The following ATXN10 variants were observed in gnomAD, a reference collection of about 807,000 sequenced individuals.
ATXN10 encodes the protein ataxin 10.
ATXN10 carries 28 observed loss-of-function variants against 52.9 expected under a neutral mutation model. That is an observed-to-expected ratio of 0.53 (90% CI 0.39 to 0.73). The LOEUF (loss-of-function observed/expected upper bound fraction) is 0.73. ATXN10 is among the 30% of genes least tolerant of loss of function. ATXN10 has a pLI of 0.00. For synonymous variants in ATXN10, 226 were observed against 221.5 expected (o/e 1.02, Z -0.18); for missense variants, 565 against 577.0 (o/e 0.98, Z 0.21).
At chr22:45,697,281 C>T (rs1923647963) in intron 3 of ATXN10, among the ~76,000 whole-genome samples, 1 of 151,938 alleles carries the variant, frequency 6.6e-6, no homozygotes, top group African/African-American at 2.4e-5. Flanking sequence ...ATTACAGGCA[C>T]CCACCACCAC....
In ATXN10 at chr22:45,818,700, C is replaced by T. The variant is rs190131020; in HGVS notation, c.1237+11678C>T. On this transcript the variant is annotated intron_variant, in intron 10 of 11. Transcript: ENST00000252934. This position sits in a 1 kb window ranked among gnomAD's most constrained non-coding sequence, Gnocchi z 4.6. ...GAAAGAGGTGTGGGAAGCTGCTTCC[C>T]TGGACTTGCTCTCGGTTACTTCAGC... is the stretch of plus-strand genomic sequence containing the variant. 1.3e-4 allele frequency among the ~76,000 whole-genome samples: 20 copies of T among 152,174 alleles called. No homozygotes were observed. The highest frequency in any genetic ancestry group is 1.2e-3 in the Admixed American group (19 of 15,274).
intron 9 of ATXN10, among the ~76,000 whole-genome samples, chr22:45,748,619 CAGGG>C (rs1925828665): frequency 6.6e-6 from 1 of 152,164 alleles, no homozygotes; most frequent in East Asian, 1.9e-4. Context: ...TTTTAAATTA[CAGGG>C]CATATGTCTT....
At chr22:45,674,540 C>T (rs1228831686) in intron 1 of ATXN10, 2 of 152,266 alleles carry the variant, frequency 1.3e-5, no homozygotes, top group African/African-American at 4.8e-5. Context: ...GAGAGGATCC[C>T]TCCAGTTCTG....
rs541283869 is a variant in ATXN10 at position 45,750,491 on chromosome 22, A to T, written c.1173+9953A>T. ...GAATATCTGAGACTTGGGTGAGGGG[A>T]AAACCAGCTGTATAAACTGAGAGCT... On this transcript the variant is annotated intron_variant, in intron 9 of 11. Transcript: ENST00000252934. This position sits in a 1 kb window ranked among gnomAD's most constrained non-coding sequence, Gnocchi z 4.2. Among the ~76,000 whole-genome samples the T allele has an allele frequency of 4.5e-4, 69 of 152,370 alleles. No homozygotes were observed. The highest frequency in any genetic ancestry group is 2.9e-3 in the South Asian group (14 of 4,834).
rs1929432812 is a variant in ATXN10 at position 45,844,016 on chromosome 22, G to C, written c.*345G>C. 3.2e-6 allele frequency: 1 copy of C among 309,648 alleles called. No individual in the cohort carries two copies. The highest frequency in any genetic ancestry group is 6.0e-6 in the Non-Finnish European group (1 of 166,492). The allele number at this position is 309,648 out of a possible 1,614,324, so 19.2% of individuals were successfully genotyped here. A position where few individuals can be genotyped will look rare whatever the true frequency, so the allele number is the denominator to read the frequency against. On this transcript the variant is annotated 3_prime_UTR_variant, in exon 12 of 12. Coordinates refer to ENST00000252934, the MANE Select transcript of ATXN10 (RefSeq NM_013236.4). The stretch of plus-strand genomic sequence containing the variant: ...CTTGGATGTTGGCTTGACTGTGTTT[G>C]TCCCTTCAGATGGCAAGTCAGCATC...
At chr22:45,709,279 T>C (rs936221231) in intron 5 of ATXN10, among the ~76,000 whole-genome samples, 3 of 152,236 alleles carry the variant, frequency 2.0e-5, no homozygotes, top group African/African-American at 7.2e-5. Context: ...TAGTGTTGTT[T>C]GTTATTGGAT....
Position 45,742,554 on chromosome 22 carries a change from G to C in ATXN10, c.1173+2016G>C, listed in dbSNP as rs913253178. On this transcript the variant is annotated intron_variant, in intron 9 of 11. Transcript: ENST00000252934. ...ATAAAAAAAAAAAAATACCGAATGTGCTTAACCTCAAGAAAGATCACAGAG... is the reference window on the plus strand; with the variant it reads ...ATAAAAAAAAAAAAATACCGAATGTCCTTAACCTCAAGAAAGATCACAGAG... Among the ~76,000 whole-genome samples, 16 of 152,028 alleles carry C rather than the reference G, an allele frequency of 1.1e-4. No homozygotes were observed. The East Asian group carries it at 2.9e-3, about 27-fold the overall frequency.
rs369751872 is a variant in ATXN10 at position 45,733,081 on chromosome 22, G to C, written c.894+3491G>C. Among the ~76,000 whole-genome samples, 12 of 152,142 alleles carry C rather than the reference G, an allele frequency of 7.9e-5. No individual in the cohort carries two copies. The South Asian group carries it at 1.7e-3, about 21-fold the overall frequency. Reference sequence around the variant, plus strand: ...TTTTGTATACTTGTTTCCAGTTTTTGATATATTTTTGTCAGTTCAGAATCT... The same window carrying C: ...TTTTGTATACTTGTTTCCAGTTTTTCATATATTTTTGTCAGTTCAGAATCT... On this transcript the variant is annotated intron_variant, in intron 7 of 11. Coordinates refer to ENST00000252934, the MANE Select transcript of ATXN10 (RefSeq NM_013236.4). The surrounding 1 kb of genome is among the most constrained non-coding windows in gnomAD (Gnocchi z 4.4).
Position 45,696,197 on chromosome 22 carries a change from A to C in ATXN10, c.391+3119A>C, listed in dbSNP as rs755541580. Among the ~76,000 whole-genome samples the C allele has an allele frequency of 2.6e-5, 4 of 152,220 alleles. No individual in the cohort carries two copies. Among genetic ancestry groups the C allele is most frequent in the Non-Finnish European group, 4.4e-5 (3 of 68,042 alleles). On this transcript the variant is annotated intron_variant, in intron 3 of 11. Coordinates refer to ENST00000252934, the MANE Select transcript of ATXN10 (RefSeq NM_013236.4). The surrounding 1 kb of genome is among the most constrained non-coding windows in gnomAD (Gnocchi z 4.7). The stretch of plus-strand genomic sequence containing the variant: ...TACTTCTGTAGCTCTATTTTATAAT[A>C]AAAGGGAAGCATCAGTACTCAAAAT...
intron 1 of ATXN10, among the ~76,000 whole-genome samples, chr22:45,680,629 A>AT (rs759841680): frequency 0.014 from 2,030 of 144,962 alleles, 25 homozygotes; most frequent in East Asian, 0.057. Context: ...CTAATTAAAA[A>AT]TTTTTTTTTT....
Position 45,790,879 on chromosome 22 carries a change from C to T in ATXN10, c.1174-16080C>T, listed in dbSNP as rs1927484816. Among the ~76,000 whole-genome samples, 1 of 152,174 alleles carries T rather than the reference C, an allele frequency of 6.6e-6. No homozygotes were observed. Among genetic ancestry groups the T allele is most frequent in the Non-Finnish European group, 1.5e-5 (1 of 68,038 alleles). The stretch of plus-strand genomic sequence containing the variant: ...TTATTTTTCAAGACAGAGCCTCTCT[C>T]TCCCTCTCTCTGTCGCCCAATCTGC... On this transcript the variant is annotated intron_variant, in intron 9 of 11. Coordinates refer to ENST00000252934, the MANE Select transcript of ATXN10 (RefSeq NM_013236.4). This position sits in a 1 kb window ranked among gnomAD's most constrained non-coding sequence, Gnocchi z 4.7.
Position 45,840,515 on chromosome 22 carries a change from C to T in ATXN10, c.1238-2476C>T, listed in dbSNP as rs965340392. Among the ~76,000 whole-genome samples, 5 of 152,246 alleles carry T rather than the reference C, an allele frequency of 3.3e-5. No homozygotes were observed. Among genetic ancestry groups the T allele is most frequent in the African/African-American group, 1.2e-4 (5 of 41,556 alleles). The stretch of plus-strand genomic sequence containing the variant: ...GGAAGCACATCCCAGGTCAGGGATT[C>T]GTGTGTGCAGAGACAGAGGGGAGGC... On this transcript the variant is annotated intron_variant, in intron 10 of 11. Transcript: ENST00000252934. The surrounding 1 kb of genome is among the most constrained non-coding windows in gnomAD (Gnocchi z 5.8).
In ATXN10 at chr22:45,816,998, C is replaced by T. The variant is rs1364666162; in HGVS notation, c.1237+9976C>T. Among the ~76,000 whole-genome samples the T allele has an allele frequency of 2.0e-5, 3 of 152,026 alleles. No homozygotes were observed. The highest frequency in any genetic ancestry group is 2.1e-4 in the South Asian group (1 of 4,808). ...TCGAGATGGCGCAGCTGGCTAGGCT[C>T]GGTGTGGTTTGTAAAAGATAGCAAT... On this transcript the variant is annotated intron_variant, in intron 10 of 11. Coordinates refer to ENST00000252934, the MANE Select transcript of ATXN10 (RefSeq NM_013236.4). The surrounding 1 kb of genome is among the most constrained non-coding windows in gnomAD (Gnocchi z 5.8).
chr22:45,721,694 G>A (rs1924657747), intron 6 of ATXN10, among the ~76,000 whole-genome samples: 1 of 152,190 alleles, frequency 6.6e-6, no homozygotes, highest in African/African-American at 2.4e-5. Flanking sequence ...TCACCGTTAT[G>A]TATAGAAGGC....
Position 45,820,568 on chromosome 22 carries a change from C to T in ATXN10, c.1237+13546C>T, listed in dbSNP as rs966927535. ...CTCTGGCTGCTTTGGGCTTTCTGAT[C>T]CTTGTGGTTTTGTAGATCCACATTA... On this transcript the variant is annotated intron_variant, in intron 10 of 11. Coordinates refer to ENST00000252934, the MANE Select transcript of ATXN10 (RefSeq NM_013236.4). This position sits in a 1 kb window ranked among gnomAD's most constrained non-coding sequence, Gnocchi z 4.9. Among the ~76,000 whole-genome samples, 5 of 152,168 alleles carry T rather than the reference C, an allele frequency of 3.3e-5. No individual in the cohort carries two copies. The highest frequency in any genetic ancestry group is 1.2e-4 in the African/African-American group (5 of 41,438).
chr22:45,689,865 T>C lies in ATXN10; in HGVS notation c.270T>C (p.Asn90=). ...LITECFRCLR[N]ACIECSVNQN... is the part of the protein sequence containing the mutation. ...CAGAATGCTTCAGGTGTCTTCGCAATGCTTGCATAGAGTGTTCTGTGAACC... is the reference window on the plus strand; with the variant it reads ...CAGAATGCTTCAGGTGTCTTCGCAACGCTTGCATAGAGTGTTCTGTGAACC... Residue 90 remains asparagine (N), a synonymous_variant, in exon 2 of 12, where the codon AAT becomes AAC. Coordinates refer to ENST00000252934, the MANE Select transcript of ATXN10 (RefSeq NM_013236.4). The C allele has an allele frequency of 6.2e-7, 1 of 1,614,240 alleles. No homozygotes were observed. Among genetic ancestry groups the C allele is most frequent in the East Asian group, 2.2e-5 (1 of 44,890 alleles).
chr22:45,672,652 T>A (rs1002880193), intron 1 of ATXN10: 1 of 152,640 alleles, frequency 6.6e-6, no homozygotes, highest in Non-Finnish European at 1.5e-5. Flanking sequence ...TGGCACTCCT[T>A]TCTCCTCGGC....
Position 45,785,268 on chromosome 22 carries a change from T to G in ATXN10, c.1174-21691T>G, listed in dbSNP as rs1053560379. On this transcript the variant is annotated intron_variant, in intron 9 of 11. Coordinates refer to ENST00000252934, the MANE Select transcript of ATXN10 (RefSeq NM_013236.4). ...GTACATTAGAGATAAATTCACTTCT[T>G]GATTCATATTTTCTCCTGCTTCTGC... Among the ~76,000 whole-genome samples the G allele has an allele frequency of 2.0e-5, 3 of 152,328 alleles. No individual in the cohort carries two copies. The South Asian group carries it at 6.2e-4, about 32-fold the overall frequency.
Position 45,842,899 on chromosome 22 carries a change from T to C in ATXN10, c.1238-92T>C. ...GTGGATTGATACTGGATGTTCCGTG[T>C]TTCTGTGCTCCTCTACTCCTTTTCT... On this transcript the variant is annotated intron_variant, in intron 10 of 11. Coordinates refer to ENST00000252934, the MANE Select transcript of ATXN10 (RefSeq NM_013236.4). This position sits in a 1 kb window ranked among gnomAD's most constrained non-coding sequence, Gnocchi z 4.8. The C allele has an allele frequency of 7.2e-7, 1 of 1,385,190 alleles. No individual in the cohort carries two copies. 85.8% of individuals were successfully genotyped at this position (1,385,190 alleles called of 1,614,324 possible). A position where few individuals can be genotyped will look rare whatever the true frequency, so the allele number is the denominator to read the frequency against.
Sources: allele counts gnomAD v4.1 joint callset (sites outside exome capture counted in the v4.1 genomes callset), GRCh38; gene constraint gnomAD v4.1.1; non-coding constraint Gnocchi (gnomAD v3.1); transcripts MANE v1.5; gene names NCBI Gene and HGNC (gene_info 2026-07-23, HGNC 2026-07-21).